The following TMPRSS11D variants were observed in gnomAD, a reference collection of about 807,000 sequenced individuals.
The protein encoded by TMPRSS11D is transmembrane serine protease 11D, also known as transmembrane protease serine 11D.
TMPRSS11D carries 32 observed loss-of-function variants against 44.4 expected under a neutral mutation model. The observed-to-expected ratio is 0.72, with a 90% CI of 0.54 to 0.97. The LOEUF (loss-of-function observed/expected upper bound fraction) is 0.97. Among genes scored for constraint, TMPRSS11D ranks in the 50% least tolerant of loss-of-function variants. The probability of loss-of-function intolerance (pLI) is 0.00; values close to 1 mark genes in which losing one functional copy is unlikely to be tolerated. For missense variants in TMPRSS11D, 446 were observed against 502.6 expected, an observed-to-expected ratio of 0.89 and a Z score of 1.08; for synonymous variants, 179 against 177.9, an observed-to-expected ratio of 1.01 and a Z score of -0.05.
At position 67,856,505 on chromosome 4, in the gene TMPRSS11D, T is replaced by C. The variant is rs568573168; in HGVS notation, c.131-2319A>G. Among the ~76,000 whole-genome samples the C allele has an allele frequency of 2.0e-5, 3 of 152,278 alleles. No individual in the cohort carries two copies. The East Asian group carries it at 5.8e-4, about 29-fold the overall frequency. On this transcript the variant is annotated intron_variant, in intron 2 of 9. Transcript: ENST00000283916. Reference sequence around the variant, plus strand: ...CCAAGATGTATTAAAGACTTAAATGTAAGACTTAAAACTATGGGAACTATT... The same window carrying C: ...CCAAGATGTATTAAAGACTTAAATGCAAGACTTAAAACTATGGGAACTATT...
intron 7 of TMPRSS11D, among the ~76,000 whole-genome samples, chr4:67,831,248 T>A (rs1259126599): frequency 6.6e-6 from 1 of 152,030 alleles, no homozygotes; most frequent in African/African-American, 2.4e-5. Context: ...GAGGTGATAA[T>A]TCAATAATCC....
chr4:67,843,863 C>T (rs1010061077), intron 3 of TMPRSS11D, among the ~76,000 whole-genome samples: 1 of 152,196 alleles, frequency 6.6e-6, no homozygotes, highest in African/African-American at 2.4e-5. Context: ...GTAGAGGTTG[C>T]AGTGAGCCGA....
chr4:67,860,743 T>G (rs1718774726), intron 1 of TMPRSS11D, among the ~76,000 whole-genome samples: 1 of 152,174 alleles, frequency 6.6e-6, no homozygotes, highest in Admixed American at 6.6e-5. Context: ...AGCAATTATA[T>G]GTAGGCATAT....
At chr4:67,826,476 G>A (rs17088667) in intron 8 of TMPRSS11D, among the ~76,000 whole-genome samples, 1,999 of 152,084 alleles carry the variant, frequency 0.013, 44 homozygotes, top group African/African-American at 0.046. Flanking sequence ...CCACTCCTTC[G>A]CTGATACTCT....
chr4:67,835,194 C>G (rs373636145), intron 5 of TMPRSS11D, 73 bp from the exon 6 acceptor site: 15 of 1,376,326 alleles, frequency 1.1e-5, no homozygotes, highest in African/African-American at 8.7e-5. Flanking sequence ...TCTTAAAGTA[C>G]AGTACCCAGA....
intron 7 of TMPRSS11D, among the ~76,000 whole-genome samples, chr4:67,829,132 CT>C (rs757396058): frequency 1.2e-4 from 18 of 151,942 alleles, no homozygotes; most frequent in South Asian, 6.2e-4. Flanking sequence ...TTAAAACAAT[CT>C]TTAAAAGGCA....
chr4:67,879,135 T>C (rs1241474222), intron 1 of TMPRSS11D, among the ~76,000 whole-genome samples: 1 of 151,976 alleles, frequency 6.6e-6, no homozygotes, highest in African/African-American at 2.4e-5. Flanking sequence ...CATTAGCTTA[T>C]GTAATATTGC....
At chr4:67,863,342 A>AG (rs899931471) in intron 1 of TMPRSS11D, among the ~76,000 whole-genome samples, 8 of 150,848 alleles carry the variant, frequency 5.3e-5, no homozygotes, top group African/African-American at 1.9e-4. Context: ...AAAAAAAAAA[A>AG]AAAAGAAAAG....
At chr4:67,882,103 GTAGATA>G (rs956622037) in intron 1 of TMPRSS11D, among the ~76,000 whole-genome samples, 4 of 152,070 alleles carry the variant, frequency 2.6e-5, no homozygotes, top group Admixed American at 2.0e-4. Context: ...AGGGAAGAAG[GTAGATA>G]AAGAAAGGAG....
intron 3 of TMPRSS11D, among the ~76,000 whole-genome samples, chr4:67,848,217 G>T (rs536946862): frequency 4.1e-4 from 63 of 152,346 alleles, no homozygotes; most frequent in African/African-American, 1.4e-3. Context: ...GATGGCAAAG[G>T]AGAGATTTAA....
chr4:67,860,144 G>A (rs2109689967), intron 1 of TMPRSS11D, among the ~76,000 whole-genome samples: 1 of 152,128 alleles, frequency 6.6e-6, no homozygotes, highest in South Asian at 2.1e-4. Flanking sequence ...GGGGTGGGGT[G>A]GTGAGGGGGT....
Position 67,834,998 on chromosome 4 carries a change from C to A in TMPRSS11D, c.514+85G>T, listed in dbSNP as rs1718041102. 7 of 1,256,524 alleles carry A rather than the reference C, an allele frequency of 5.6e-6. No individual in the cohort carries two copies. In the African/African-American group the frequency reaches 8.9e-5, roughly 16 times the overall value. 77.8% of individuals were successfully genotyped at this position (1,256,524 alleles called of 1,614,324 possible). A position where few individuals can be genotyped will look rare whatever the true frequency, so the allele number is the denominator to read the frequency against. On this transcript the variant is annotated intron_variant, in intron 6 of 9. Transcript: ENST00000283916. The stretch of plus-strand genomic sequence containing the variant: ...AAAGACATCAACTTGATAGATACTG[C>A]CTTGGCCAAAAGTACACAAAAGACT...
intron 3 of TMPRSS11D, 64 bp from the exon 4 acceptor site, chr4:67,842,689 C>A (rs1718262026): frequency 1.4e-6 from 2 of 1,429,860 alleles, no homozygotes; most frequent in Non-Finnish European, 1.9e-6. Flanking sequence ...TTCCTCTCAA[C>A]CTTGCAACAT....
chr4:67,852,700 AAG>A (rs1718537365), intron 3 of TMPRSS11D, among the ~76,000 whole-genome samples: 1 of 152,180 alleles, frequency 6.6e-6, no homozygotes, highest in Non-Finnish European at 1.5e-5. Context: ...ATGATTTGGG[AAG>A]AGACTCTTGG....
At chr4:67,823,298 C>T (rs1207405713) in intron 9 of TMPRSS11D, among the ~76,000 whole-genome samples, 1 of 152,114 alleles carries the variant, frequency 6.6e-6, no homozygotes, top group Non-Finnish European at 1.5e-5. Context: ...ATACTTACCA[C>T]CCAGTCATAA....
intron 1 of TMPRSS11D, among the ~76,000 whole-genome samples, chr4:67,875,091 G>C (rs751286673): frequency 6.6e-6 from 1 of 152,124 alleles, no homozygotes; most frequent in Non-Finnish European, 1.5e-5. Context: ...ACACAGGAAA[G>C]AATCAAGCTT....
intron 4 of TMPRSS11D, among the ~76,000 whole-genome samples, chr4:67,838,559 AGT>A (rs1436505213): frequency 1.3e-5 from 2 of 152,100 alleles, no homozygotes; most frequent in African/African-American, 4.8e-5. Flanking sequence ...CTGATTTTGA[AGT>A]TATAATGCCA....
chr4:67,825,894 G>A lies in TMPRSS11D; in HGVS notation c.953-20C>T, dbSNP rs372911322. ...TGTGGCCTGTTTGTTATAAAAGCAGGAAAAAAATGGACTTCAAGATGTGTA... is the reference window on the plus strand; with the variant it reads ...TGTGGCCTGTTTGTTATAAAAGCAGAAAAAAAATGGACTTCAAGATGTGTA... On this transcript the variant is annotated intron_variant, in intron 8 of 9. Coordinates refer to ENST00000283916, the MANE Select transcript of TMPRSS11D (RefSeq NM_004262.3). 2.0e-5 allele frequency: 31 copies of A among 1,588,210 alleles called. No individual in the cohort carries two copies. The highest frequency in any genetic ancestry group is 1.1e-4 in the Admixed American group (6 of 56,628).
chr4:67,881,014 G>A (rs769411822), intron 1 of TMPRSS11D, among the ~76,000 whole-genome samples: 2 of 152,108 alleles, frequency 1.3e-5, no homozygotes, highest in Non-Finnish European at 2.9e-5. Flanking sequence ...GATTTGGGAT[G>A]GTGCTTTTGT....
Sources: gnomAD v4.1 joint callset for allele counts (sites outside exome capture counted in the v4.1 genomes callset) on GRCh38, gnomAD v4.1.1 for gene constraint, MANE v1.5 for transcripts, NCBI Gene and HGNC (gene_info 2026-07-23, HGNC 2026-07-21) for gene names.